Variants in WWOX observed in about 807,000 individuals in gnomAD.
WWOX encodes WW domain-containing oxidoreductase.
In WWOX, 69 loss-of-function variants were observed where a neutral mutation model predicts 46.2. The observed-to-expected ratio is 1.49, with a 90% CI of 1.23 to 1.82. The LOEUF (loss-of-function observed/expected upper bound fraction) is 1.82. Ranked by LOEUF, WWOX falls within the 40% of genes most tolerant of loss-of-function variation. The probability of loss-of-function intolerance (pLI) is 0.00; values close to 1 mark genes in which losing one functional copy is unlikely to be tolerated. For missense variants in WWOX, 919 were observed against 542.6 expected, an observed-to-expected ratio of 1.69 and a Z score of -6.89; for synonymous variants, 359 against 202.6, an observed-to-expected ratio of 1.77 and a Z score of -6.56.
chr16:78,977,598 C>T (rs374603924), intron 8 of WWOX, among the ~76,000 whole-genome samples: 4 of 149,574 alleles, frequency 2.7e-5, no homozygotes, highest in Non-Finnish European at 5.9e-5. Flanking sequence ...TTTGTTGTTA[C>T]AAAAATGAAA....
chr16:78,645,367 C>T (rs370326951), intron 8 of WWOX, among the ~76,000 whole-genome samples: 1 of 152,140 alleles, frequency 6.6e-6, no homozygotes, highest in East Asian at 1.9e-4. Flanking sequence ...AATGTCTTCT[C>T]TTACCATTCT....
chr16:78,776,871 G>C (rs1299048685), intron 8 of WWOX, among the ~76,000 whole-genome samples: 1 of 152,022 alleles, frequency 6.6e-6, no homozygotes, highest in Non-Finnish European at 1.5e-5. Flanking sequence ...GAATAGAATG[G>C]GGGAACCACC....
chr16:78,138,240 TTG>T (rs2033867489), intron 4 of WWOX, among the ~76,000 whole-genome samples: 1 of 151,002 alleles, frequency 6.6e-6, no homozygotes, highest in African/African-American at 2.4e-5. Flanking sequence ...TGTTTAATTA[TTG>T]TGTGTTCAAT....
chr16:79,039,530 C>G (rs909978772), intron 8 of WWOX, among the ~76,000 whole-genome samples: 7 of 152,158 alleles, frequency 4.6e-5, no homozygotes, highest in African/African-American at 1.7e-4. Context: ...CAAGCAGAAT[C>G]CTTTTGCCCA....
At chr16:79,121,858 C>G (rs1027764944) in intron 8 of WWOX, among the ~76,000 whole-genome samples, 4 of 152,126 alleles carry the variant, frequency 2.6e-5, no homozygotes, top group Non-Finnish European at 5.9e-5. Flanking sequence ...ACAATTCGTT[C>G]TCAGCATCAG....
rs143303893 is a variant in WWOX at position 78,846,840 on chromosome 16, G to T, written c.1057-364768G>T. Among the ~76,000 whole-genome samples the T allele has an allele frequency of 2.0e-3, 297 of 152,230 alleles. 1 individual carries two copies. Among genetic ancestry groups the T allele is most frequent in the African/African-American group, 6.5e-3 (271 of 41,546 alleles). On this transcript the variant is annotated intron_variant, in intron 8 of 8. Transcript: ENST00000566780. The stretch of plus-strand genomic sequence containing the variant: ...TTCTCATGACTGATATTGTCTTTCT[G>T]TCATGCCTTCTATTTTTTGGTGGGA...
intron 8 of WWOX, among the ~76,000 whole-genome samples, chr16:78,718,927 A>G (rs1230227769): frequency 6.6e-6 from 1 of 152,048 alleles, no homozygotes; most frequent in African/African-American, 2.4e-5. Flanking sequence ...AGAACATGGC[A>G]TCTGGGGCTC....
chr16:78,280,545 C>T (rs999746147), intron 5 of WWOX, among the ~76,000 whole-genome samples: 4 of 151,316 alleles, frequency 2.6e-5, no homozygotes, highest in Non-Finnish European at 4.4e-5. Context: ...GTAAGTGGTA[C>T]AGGAAGCATA....
chr16:78,287,958 A>G (rs914399571), intron 5 of WWOX, among the ~76,000 whole-genome samples: 4 of 152,182 alleles, frequency 2.6e-5, no homozygotes, highest in Non-Finnish European at 5.9e-5. Flanking sequence ...AGGTCGCTCA[A>G]AACAGATTTT....
chr16:79,091,000 C>A (rs542063811), intron 8 of WWOX, among the ~76,000 whole-genome samples: 132 of 152,186 alleles, frequency 8.7e-4, no homozygotes, highest in African/African-American at 3.1e-3. Context: ...GTTGGCCAGC[C>A]TGGTCTCAAC....
intron 5 of WWOX, among the ~76,000 whole-genome samples, chr16:78,318,889 TC>T (rs527551622): frequency 1.1e-3 from 169 of 152,270 alleles, no homozygotes; most frequent in African/African-American, 3.9e-3. Context: ...AGTGTATAAT[TC>T]CAGGTAGGTA....
At chr16:79,048,406 G>A (rs903355098) in intron 8 of WWOX, among the ~76,000 whole-genome samples, 10 of 151,978 alleles carry the variant, frequency 6.6e-5, no homozygotes, top group Non-Finnish European at 1.5e-4. Flanking sequence ...TGGTTCAGCA[G>A]CAACTGATTA....
chr16:78,379,120 T>A (rs1303793173), intron 5 of WWOX, among the ~76,000 whole-genome samples: 1 of 152,242 alleles, frequency 6.6e-6, no homozygotes, highest in Non-Finnish European at 1.5e-5. Context: ...AGAAGATATT[T>A]GCTATCACTA....
At chr16:78,856,032 A>C (rs1356573145) in intron 8 of WWOX, among the ~76,000 whole-genome samples, 1 of 152,238 alleles carries the variant, frequency 6.6e-6, no homozygotes, top group Admixed American at 6.5e-5. Context: ...TTGCAGGGCA[A>C]GGCAAATAAT....
intron 8 of WWOX, among the ~76,000 whole-genome samples, chr16:78,941,032 C>T (rs1240908554): frequency 6.6e-6 from 1 of 151,700 alleles, no homozygotes; most frequent in Non-Finnish European, 1.5e-5. Flanking sequence ...CTTGTTATGA[C>T]CAGAAAGACT....
At chr16:78,936,060 G>C (rs1417028760) in intron 8 of WWOX, among the ~76,000 whole-genome samples, 3 of 152,146 alleles carry the variant, frequency 2.0e-5, no homozygotes, top group Non-Finnish European at 4.4e-5. Context: ...GTGGAGACTG[G>C]CCATAAGTTG....
chr16:78,333,084 C>T (rs1456899832), intron 5 of WWOX, among the ~76,000 whole-genome samples: 3 of 78,282 alleles, frequency 3.8e-5, no homozygotes, highest in Non-Finnish European at 8.4e-5. Context: ...GAGTCTAGCT[C>T]TGTCACCCAG....
chr16:78,828,730 G>A (rs1246202495), intron 8 of WWOX, among the ~76,000 whole-genome samples: 1 of 152,004 alleles, frequency 6.6e-6, no homozygotes, highest in Non-Finnish European at 1.5e-5. Context: ...TAGCAATATC[G>A]TCTCTAGTCC....
chr16:78,173,499 C>T (rs371801302), intron 5 of WWOX, among the ~76,000 whole-genome samples: 12 of 149,520 alleles, frequency 8.0e-5, no homozygotes, highest in Non-Finnish European at 1.5e-4. Context: ...GGCTTCACCA[C>T]GTTGCCCAGG....
Sources: gnomAD v4.1 joint callset for allele counts (sites outside exome capture counted in the v4.1 genomes callset) on GRCh38, gnomAD v4.1.1 for gene constraint, MANE v1.5 for transcripts, NCBI Gene and HGNC (gene_info 2026-07-23, HGNC 2026-07-21) for gene names.